Variants in PVT1 observed in about 807,000 individuals in gnomAD.
The protein encoded by PVT1 is Pvt1 oncogene, also known as CXCR4/PVT1 fusion.
intron 3 of PVT1, among the ~76,000 whole-genome samples, chr8:127,915,548 G>T (rs764142491): frequency 1.5e-4 from 22 of 143,990 alleles, no homozygotes; most frequent in Non-Finnish European, 3.0e-4. Context: ...GGAGGCAGAG[G>T]TTGTGGTGAG....
chr8:127,848,458 C>T (rs1006812448), intron 2 of PVT1, among the ~76,000 whole-genome samples: 7 of 151,902 alleles, frequency 4.6e-5, no homozygotes, highest in African/African-American at 9.7e-5. Flanking sequence ...CTGAGGTGGG[C>T]GGATCACCTG....
chr8:127,990,329 G>A (rs1182633008), intron 4 of PVT1, among the ~76,000 whole-genome samples: 1 of 152,206 alleles, frequency 6.6e-6, no homozygotes, highest in East Asian at 1.9e-4. Flanking sequence ...ATTGCTTAGA[G>A]CAAGGACTGT....
At chr8:127,878,083 C>T (rs1305268256) in intron 2 of PVT1, among the ~76,000 whole-genome samples, 1 of 152,102 alleles carries the variant, frequency 6.6e-6, no homozygotes, top group Non-Finnish European at 1.5e-5. Flanking sequence ...GGCTCAGGTC[C>T]TTGGCACTTT....
At chr8:127,864,750 A>G (rs7006277) in intron 2 of PVT1, among the ~76,000 whole-genome samples, 4,552 of 152,064 alleles carry the variant, frequency 0.03, 96 homozygotes, top group Middle Eastern at 0.059. Context: ...GGGTTTCACC[A>G]TGTTAGCCAG....
At position 127,820,952 on chromosome 8, in the gene PVT1, G is replaced by A. The variant is rs1041265064; in HGVS notation, n.372+24881G>A. On this transcript the variant is annotated intron_variant and non_coding_transcript_variant, in intron 2 of 10. Coordinates refer to ENST00000651587, the Ensembl canonical transcript of PVT1. ...TTAAAGTCCTGGCCTCAAGTGATCC[G>A]CCCGCCTTGGTCTCCCAAAGTGTTG... 7.9e-5 allele frequency among the ~76,000 whole-genome samples: 12 copies of A among 152,046 alleles called. No homozygotes were observed. The South Asian group carries it at 8.3e-4, about 11-fold the overall frequency.
chr8:127,927,049 G>A (rs7821928), intron 3 of PVT1, among the ~76,000 whole-genome samples: 39,596 of 152,114 alleles, frequency 0.26, 6,249 homozygotes, highest in Middle Eastern at 0.41. Flanking sequence ...ACGTGGGAAG[G>A]CTGCATGGGA....
rs545264166 is a variant in PVT1 at position 127,851,315 on chromosome 8, C to G, written n.373-39274C>G. On this transcript the variant is annotated intron_variant and non_coding_transcript_variant, in intron 2 of 10. Coordinates refer to ENST00000651587, the Ensembl canonical transcript of PVT1. ...TGTTTCCCCCTTTCTTTGGGGTGCA[C>G]TGTGTGTGCATGGTAAGAACAAGGG... 1.3e-5 allele frequency among the ~76,000 whole-genome samples: 2 copies of G among 152,180 alleles called. 1 individual carries two copies. The highest frequency in any genetic ancestry group is 4.1e-4 in the South Asian group (2 of 4,820).
intron 4 of PVT1, chr8:127,996,726 C>G (rs1464929599): frequency 6.6e-6 from 1 of 152,300 alleles, no homozygotes; most frequent in African/African-American, 2.4e-5. Context: ...TCAGCCGCCG[C>G]CCCCTGCTGC....
At chr8:127,937,079 C>T (rs898209056) in intron 3 of PVT1, among the ~76,000 whole-genome samples, 2 of 152,210 alleles carry the variant, frequency 1.3e-5, no homozygotes, top group African/African-American at 4.8e-5. Flanking sequence ...GCTTGCAGCC[C>T]GCATCATCCA....
At chr8:127,948,562 CT>C (rs1816455653) in intron 3 of PVT1, 1 of 153,726 alleles carries the variant, frequency 6.5e-6, no homozygotes, top group Non-Finnish European at 1.4e-5. Flanking sequence ...CAGAACGTGA[CT>C]GTGTTCGGAA....
intron 3 of PVT1, among the ~76,000 whole-genome samples, chr8:127,934,482 C>T (rs1816247446): frequency 6.6e-6 from 1 of 152,168 alleles, no homozygotes; most frequent in African/African-American, 2.4e-5. Flanking sequence ...CTGAAAGTGC[C>T]TCAGTGATCG....
chr8:127,853,567 G>C (rs1429821071), intron 2 of PVT1, among the ~76,000 whole-genome samples: 1 of 152,118 alleles, frequency 6.6e-6, no homozygotes, highest in Non-Finnish European at 1.5e-5. Flanking sequence ...GATCACCTGA[G>C]GTCAGGAGTT....
At chr8:128,026,635 G>C (rs1427304625) in intron 4 of PVT1, among the ~76,000 whole-genome samples, 1 of 152,122 alleles carries the variant, frequency 6.6e-6, no homozygotes, top group South Asian at 2.1e-4. Flanking sequence ...AGGCTGGAGG[G>C]TGAGGAGGCT....
At chr8:127,936,981 G>A (rs1270675387) in intron 3 of PVT1, among the ~76,000 whole-genome samples, 1 of 152,220 alleles carries the variant, frequency 6.6e-6, no homozygotes, top group Non-Finnish European at 1.5e-5. Flanking sequence ...TTTTATACAG[G>A]AAAGGATTTG....
intron 6 of PVT1, chr8:128,099,779 A>G (rs1814478318): frequency 6.6e-6 from 1 of 152,200 alleles, no homozygotes; most frequent in Non-Finnish European, 1.5e-5. Context: ...TATATTTTAC[A>G]TGCTGTTTTC....
At chr8:128,002,481 T>A (rs907251613) in intron 4 of PVT1, among the ~76,000 whole-genome samples, 1 of 152,206 alleles carries the variant, frequency 6.6e-6, no homozygotes, top group Non-Finnish European at 1.5e-5. Flanking sequence ...TCTCTCATAG[T>A]TGTGGAAGCC....
At chr8:127,917,618 C>T (rs1351227985) in intron 3 of PVT1, among the ~76,000 whole-genome samples, 1 of 152,352 alleles carries the variant, frequency 6.6e-6, no homozygotes, top group East Asian at 1.9e-4. Flanking sequence ...AGGGGCCGGT[C>T]AGCCCTCCTG....
At chr8:127,939,181 C>T (rs1225125195) in intron 3 of PVT1, among the ~76,000 whole-genome samples, 1 of 152,206 alleles carries the variant, frequency 6.6e-6, no homozygotes. Context: ...CTATCCTCAC[C>T]TGCCTTCTCA....
At chr8:127,805,394 G>A (rs1163929520) in intron 2 of PVT1, among the ~76,000 whole-genome samples, 1 of 152,056 alleles carries the variant, frequency 6.6e-6, no homozygotes, top group African/African-American at 2.4e-5. Flanking sequence ...TCAGTCCTAG[G>A]ATTATTGTGC....
Sources: gnomAD v4.1 joint callset for allele counts (sites outside exome capture counted in the v4.1 genomes callset) on GRCh38, gnomAD v4.1.1 for gene constraint, MANE v1.5 for transcripts, NCBI Gene and HGNC (gene_info 2026-07-23, HGNC 2026-07-21) for gene names.